Variants in PNPT1 observed in about 807,000 individuals in gnomAD.
PNPT1 encodes polyribonucleotide nucleotidyltransferase 1, mitochondrial.
Under a neutral mutation model 119.5 loss-of-function variants are expected in PNPT1, and 53 were observed. The ratio of observed to expected loss-of-function variants is 0.44; its 90% CI spans 0.36 to 0.56. PNPT1 has a LOEUF of 0.56. Among genes scored for constraint, PNPT1 ranks in the 20% least tolerant of loss-of-function variants. PNPT1 has a pLI of 0.00. For missense variants in PNPT1, 948 were observed against 938.5 expected (o/e 1.01, Z -0.13); for synonymous variants, 357 against 322.1 (o/e 1.11, Z -1.16).
chr2:55,677,588 C>T (rs1219421057), intron 8 of PNPT1, among the ~76,000 whole-genome samples: 1 of 87,150 alleles, frequency 1.1e-5, no homozygotes, highest in Non-Finnish European at 2.0e-5. Flanking sequence ...CAGAGCGAGA[C>T]TATGTCTCAA....
rs962006625 is a variant in PNPT1, at chr2:55,654,731, G to T, written c.1495+169C>A. On this transcript the variant is annotated intron_variant, in intron 18 of 27. Coordinates refer to ENST00000447944, the MANE Select transcript of PNPT1 (RefSeq NM_033109.5). ...TTATACTAACAGGTGTGTATAAAAG[G>T]TTAGCATTTTTTTTTAATCTTTTTT... Among the ~76,000 whole-genome samples the T allele has an allele frequency of 5.7e-4, 87 of 151,950 alleles. 1 individual carries two copies. The Middle Eastern group carries it at 0.01, about 18-fold the overall frequency.
chr2:55,637,237 A>G (rs72805484), intron 27 of PNPT1, among the ~76,000 whole-genome samples: 4,564 of 152,352 alleles, frequency 0.03, 105 homozygotes, highest in South Asian at 0.089. Flanking sequence ...AGACTTTAAC[A>G]AGTTACCTTA....
intron 13 of PNPT1, 151 bp from the exon 14 acceptor site, chr2:55,662,177 A>G (rs1364895512): frequency 1.7e-6 from 1 of 584,794 alleles, no homozygotes; most frequent in Non-Finnish European, 2.8e-6. Context: ...TTAAACACTT[A>G]TTTATTCTAT....
chr2:55,638,449 C>T (rs567117574), intron 26 of PNPT1, among the ~76,000 whole-genome samples: 2 of 152,218 alleles, frequency 1.3e-5, no homozygotes, highest in African/African-American at 4.8e-5. Context: ...ACTGCTTAAA[C>T]CAGACTGGGC....
chr2:55,685,942 GAA>G (rs1440896986), intron 3 of PNPT1, among the ~76,000 whole-genome samples: 1 of 151,964 alleles, frequency 6.6e-6, no homozygotes, highest in African/African-American at 2.4e-5. Context: ...GGAATGACAA[GAA>G]AAAAAGTCTG....
At chr2:55,660,395 C>T (rs1696527994) in intron 14 of PNPT1, among the ~76,000 whole-genome samples, 1 of 152,116 alleles carries the variant, frequency 6.6e-6, no homozygotes, top group African/African-American at 2.4e-5. Context: ...ATGAATTGTA[C>T]AGATTTAGGA....
chr2:55,671,412 A>C, intron 10 of PNPT1, 36 bp from the exon 11 acceptor site: 1 of 1,245,756 alleles, frequency 8.0e-7, no homozygotes, highest in Non-Finnish European at 1.1e-6. Context: ...TTACATATAC[A>C]TGACAACATT....
At chr2:55,667,424 C>T (rs1043768327) in intron 12 of PNPT1, among the ~76,000 whole-genome samples, 1 of 152,036 alleles carries the variant, frequency 6.6e-6, no homozygotes, top group African/African-American at 2.4e-5. Context: ...GAAACCCCGT[C>T]TCTACTAAAA....
At chr2:55,686,475 C>T (rs759618650) in intron 2 of PNPT1, 31 bp from the exon 3 acceptor site, 2 of 1,560,956 alleles carry the variant, frequency 1.3e-6, no homozygotes, top group Admixed American at 3.5e-5. Context: ...CTGGTAAGTT[C>T]CTTTGAAATC....
At chr2:55,651,034 C>A (rs1369657139) in intron 18 of PNPT1, among the ~76,000 whole-genome samples, 3 of 146,990 alleles carry the variant, frequency 2.0e-5, no homozygotes, top group Non-Finnish European at 4.5e-5. Context: ...AGTGAGGAGC[C>A]CCTCTGCCTG....
chr2:55,650,091 T>C (rs1321388974), intron 18 of PNPT1, among the ~76,000 whole-genome samples: 4 of 152,098 alleles, frequency 2.6e-5, no homozygotes, highest in Non-Finnish European at 4.4e-5. Flanking sequence ...GAAAGAAGGA[T>C]TGGTAAAGAA....
intron 13 of PNPT1, among the ~76,000 whole-genome samples, chr2:55,662,402 C>G (rs1037686555): frequency 6.6e-6 from 1 of 152,148 alleles, no homozygotes; most frequent in South Asian, 2.1e-4. Flanking sequence ...TCAGGCCAGG[C>G]GTGGTGGCCC....
intron 14 of PNPT1, among the ~76,000 whole-genome samples, chr2:55,660,851 A>G (rs908748958): frequency 3.3e-5 from 5 of 152,092 alleles, no homozygotes; most frequent in African/African-American, 1.2e-4. Context: ...TCTGCATTCC[A>G]CCTTCACACA....
intron 5 of PNPT1, 60 bp from the exon 6 acceptor site, chr2:55,680,978 TA>T: frequency 7.2e-7 from 1 of 1,385,928 alleles, no homozygotes; most frequent in Non-Finnish European, 1.0e-6. Context: ...CATCCTGACC[TA>T]AAATACAAGA....
At chr2:55,683,324 C>A (rs1368338358) in intron 5 of PNPT1, among the ~76,000 whole-genome samples, 9 of 152,114 alleles carry the variant, frequency 5.9e-5, no homozygotes, top group Non-Finnish European at 1.0e-4. Flanking sequence ...TTTAAAAGCA[C>A]TATCTTTTGG....
intron 4 of PNPT1, among the ~76,000 whole-genome samples, chr2:55,684,617 A>G (rs958094386): frequency 3.3e-5 from 5 of 152,262 alleles, no homozygotes; most frequent in African/African-American, 1.2e-4. Context: ...AAAATGTACT[A>G]GGAATAGATT....
chr2:55,691,069 C>T (rs1302302918), intron 1 of PNPT1, among the ~76,000 whole-genome samples: 1 of 152,182 alleles, frequency 6.6e-6, no homozygotes, highest in African/African-American at 2.4e-5. Flanking sequence ...ATTCTGAATA[C>T]CTAAGTGATC....
chr2:55,682,181 G>T (rs947362664), intron 5 of PNPT1, among the ~76,000 whole-genome samples: 2 of 151,832 alleles, frequency 1.3e-5, no homozygotes, highest in African/African-American at 4.8e-5. Context: ...ATTTCTGTTG[G>T]CCAGGTGCAG....
intron 13 of PNPT1, among the ~76,000 whole-genome samples, chr2:55,663,177 C>G (rs1043422620): frequency 6.6e-5 from 10 of 152,140 alleles, no homozygotes; most frequent in Admixed American, 6.6e-4. Context: ...AGCCACCACG[C>G]CCGGCGACAA....
Sources: gnomAD v4.1 joint callset for allele counts (sites outside exome capture counted in the v4.1 genomes callset) on GRCh38, gnomAD v4.1.1 for gene constraint, MANE v1.5 for transcripts, NCBI Gene and HGNC (gene_info 2026-07-23, HGNC 2026-07-21) for gene names.